SNAP91: variants seen among roughly 807,000 people sequenced by gnomAD.
SNAP91 encodes the protein clathrin coat assembly protein AP180.
A neutral mutation model predicts 100.3 loss-of-function variants in SNAP91; 27 were observed. That is an observed-to-expected ratio of 0.27 (90% confidence interval 0.20 to 0.37). SNAP91 has a LOEUF of 0.37. Among genes scored for constraint, SNAP91 ranks in the 10% least tolerant of loss-of-function variants. SNAP91 has a pLI of 1.00. For synonymous variants in SNAP91, 404 were observed against 398.6 expected, an observed-to-expected ratio of 1.01 and a Z score of -0.16; for missense variants, 986 against 1,123.7, an observed-to-expected ratio of 0.88 and a Z score of 1.75.
At chr6:83,603,881 A>G (rs1328228983) in intron 14 of SNAP91, among the ~76,000 whole-genome samples, 1 of 152,190 alleles carries the variant, frequency 6.6e-6, no homozygotes, top group Non-Finnish European at 1.5e-5. Flanking sequence ...TCAATCATCA[A>G]TAGTTACATA....
intron 11 of SNAP91, among the ~76,000 whole-genome samples, chr6:83,612,910 A>AG (rs2096242465): frequency 6.6e-6 from 1 of 151,364 alleles, no homozygotes; most frequent in Non-Finnish European, 1.5e-5. Context: ...AAAAAAAAAA[A>AG]AATATCAACA....
intron 26 of SNAP91, among the ~76,000 whole-genome samples, chr6:83,563,797 A>G (rs933721385): frequency 7.9e-5 from 12 of 152,228 alleles, no homozygotes; most frequent in African/African-American, 2.9e-4. Context: ...AAATAAATTT[A>G]ACAGAAGTAT....
rs759690513 is a variant in SNAP91 at position 83,580,526 on chromosome 6, T to C, written c.2223A>G (p.Val741=). 8.5e-5 allele frequency: 137 copies of C among 1,613,604 alleles called. No homozygotes were observed. Among genetic ancestry groups the C allele is most frequent in the Non-Finnish European group, 1.1e-4 (134 of 1,179,818 alleles). ...TGGCTGCCATTGCAGGACTGGGTGGTACCATTGAGACAGGTGCAGGCTGCC... is the reference window on the plus strand; with the variant it reads ...TGGCTGCCATTGCAGGACTGGGTGGCACCATTGAGACAGGTGCAGGCTGCC... The part of the protein sequence containing the change: ...PAGQPAPVSM[V]PPSPAMAASK... Residue 741 remains valine, a synonymous_variant, in exon 24 of 30, where the codon GTA becomes GTG. Coordinates refer to ENST00000369694, the MANE Select transcript of SNAP91 (RefSeq NM_001242792.2).
At chr6:83,586,122 A>ATATAGGCATGAG (rs1021598735) in intron 22 of SNAP91, among the ~76,000 whole-genome samples, 1 of 152,136 alleles carries the variant, frequency 6.6e-6, no homozygotes, top group Non-Finnish European at 1.5e-5. Context: ...TGCTGGGATT[A>ATATAGGCATGAG]TATAGGCATG....
intron 26 of SNAP91, among the ~76,000 whole-genome samples, chr6:83,562,651 C>T (rs1400099554): frequency 1.3e-5 from 2 of 152,120 alleles, no homozygotes; most frequent in African/African-American, 2.4e-5. Context: ...CCCTACTGTC[C>T]CCCACACTCT....
At chr6:83,664,517 G>A (rs964976973) in intron 3 of SNAP91, among the ~76,000 whole-genome samples, 1 of 152,182 alleles carries the variant, frequency 6.6e-6, no homozygotes, top group South Asian at 2.1e-4. Context: ...CAGATGTGTG[G>A]GAAAATAGCA....
At chr6:83,606,423 CTCTG>C (rs1047412729) in intron 13 of SNAP91, among the ~76,000 whole-genome samples, 3 of 152,194 alleles carry the variant, frequency 2.0e-5, no homozygotes, top group Non-Finnish European at 4.4e-5. Context: ...TTCAAAGCTT[CTCTG>C]TCTGTAGAAT....
chr6:83,682,161 A>G (rs1057029120), intron 2 of SNAP91, among the ~76,000 whole-genome samples: 3 of 133,962 alleles, frequency 2.2e-5, no homozygotes, highest in African/African-American at 8.1e-5. Context: ...CTCTGTCATT[A>G]TTCTTTAATT....
At chr6:83,697,681 A>G (rs1337284447) in intron 2 of SNAP91, among the ~76,000 whole-genome samples, 1 of 152,154 alleles carries the variant, frequency 6.6e-6, no homozygotes, top group Non-Finnish European at 1.5e-5. Context: ...TATTCCTCCA[A>G]TATTACACTT....
intron 2 of SNAP91, among the ~76,000 whole-genome samples, chr6:83,697,323 T>TAC (rs1471248983): frequency 7.3e-5 from 6 of 82,738 alleles, no homozygotes; most frequent in Admixed American, 5.6e-4. Context: ...AGAAAATAGC[T>TAC]GCACACACAC....
chr6:83,676,174 T>C (rs1006679412), intron 2 of SNAP91, among the ~76,000 whole-genome samples: 1 of 152,094 alleles, frequency 6.6e-6, no homozygotes, highest in African/African-American at 2.4e-5. Context: ...TAACACATTT[T>C]TATTTAGTGC....
In SNAP91 at chr6:83,621,925, T is replaced by A. The variant is rs116605630; in HGVS notation, c.807+1376A>T. Among the ~76,000 whole-genome samples the A allele has an allele frequency of 3.1e-3, 467 of 152,230 alleles. 2 individuals are homozygous for A. Among genetic ancestry groups the A allele is most frequent in the African/African-American group, 0.011 (439 of 41,576 alleles). On this transcript the variant is annotated intron_variant, in intron 9 of 29. Transcript: ENST00000369694. ...GTTAACATGTATTACTTATGTGGAT[T>A]ATTTTTTAAAATGTACTATAAATTT... is the stretch of plus-strand genomic sequence containing the variant.
chr6:83,598,341 A>G (rs1442043953), intron 16 of SNAP91, among the ~76,000 whole-genome samples: 1 of 152,196 alleles, frequency 6.6e-6, no homozygotes, highest in African/African-American at 2.4e-5. Flanking sequence ...GCTGACAAAA[A>G]TTTTTTAATG....
At chr6:83,586,017 T>C (rs543210683) in intron 22 of SNAP91, among the ~76,000 whole-genome samples, 2 of 152,128 alleles carry the variant, frequency 1.3e-5, no homozygotes, top group African/African-American at 4.8e-5. Context: ...ACCCAGCTAA[T>C]TTTTGTATTT....
At chr6:83,639,859 G>T (rs747582603) in intron 8 of SNAP91, among the ~76,000 whole-genome samples, 2 of 151,974 alleles carry the variant, frequency 1.3e-5, no homozygotes, top group African/African-American at 2.4e-5. Flanking sequence ...TTCACAGAAA[G>T]AAATTAGGCA....
chr6:83,644,207 AT>A (rs1404542892), intron 7 of SNAP91, among the ~76,000 whole-genome samples: 7 of 151,336 alleles, frequency 4.6e-5, no homozygotes, highest in Non-Finnish European at 8.9e-5. Flanking sequence ...ATTTTAACCA[AT>A]TTTTTTTTCT....
intron 2 of SNAP91, among the ~76,000 whole-genome samples, chr6:83,706,509 C>T (rs934497967): frequency 7.2e-5 from 11 of 152,212 alleles, no homozygotes; most frequent in Non-Finnish European, 1.0e-4. Flanking sequence ...CTTTCCCCTC[C>T]GATGAGCTTC....
intron 6 of SNAP91, among the ~76,000 whole-genome samples, chr6:83,657,930 CTT>C (rs536763578): frequency 2.3e-3 from 241 of 106,118 alleles, no homozygotes; most frequent in Non-Finnish European, 2.5e-3. Flanking sequence ...CCACACCTTG[CTT>C]TTTTTTTTTT....
intron 22 of SNAP91, among the ~76,000 whole-genome samples, chr6:83,585,953 C>T (rs1019582233): frequency 6.6e-6 from 1 of 151,456 alleles, no homozygotes; most frequent in African/African-American, 2.4e-5. Context: ...TGGGTTCAAG[C>T]CATTCTCCTG....
Sources: gnomAD v4.1 joint callset for allele counts (sites outside exome capture counted in the v4.1 genomes callset) on GRCh38, gnomAD v4.1.1 for gene constraint, MANE v1.5 for transcripts, NCBI Gene and HGNC (gene_info 2026-07-23, HGNC 2026-07-21) for gene names.